The following TMEM131 variants were observed in gnomAD, a reference collection of about 807,000 sequenced individuals.
TMEM131 encodes the protein 2610524E03Rik.
A neutral mutation model predicts 211.6 loss-of-function variants in TMEM131; 66 were observed. The observed-to-expected ratio is 0.31, with a 90% CI of 0.26 to 0.38. The LOEUF (loss-of-function observed/expected upper bound fraction) is 0.38, where lower values mean the gene tolerates loss of function less well. Among genes scored for constraint, TMEM131 ranks in the 10% least tolerant of loss-of-function variants. TMEM131 has a pLI of 1.00. For synonymous variants in TMEM131, 844 were observed against 841.3 expected, an observed-to-expected ratio of 1.00 and a Z score of -0.06; for missense variants, 2,036 against 2,299.3, an observed-to-expected ratio of 0.89 and a Z score of 2.34.
intron 36 of TMEM131, 179 bp from the exon 37 acceptor site, chr2:97,761,093 T>TA (rs1315168784): frequency 1.4e-6 from 1 of 707,494 alleles, no homozygotes; most frequent in Non-Finnish European, 2.3e-6. Context: ...CAGACAGAGA[T>TA]AGAGGGCTTT....
chr2:97,818,647 A>G lies in TMEM131; in HGVS notation c.1149T>C (p.Ser383=), dbSNP rs1374842325. 6.2e-7 allele frequency: 1 copy of G among 1,607,400 alleles called. No individual in the cohort carries two copies. The highest frequency in any genetic ancestry group is 1.3e-5 in the African/African-American group (1 of 74,864). The change falls in exon 12 of 41, where the codon AGT becomes AGC. Residue 383 remains serine, a synonymous_variant. Transcript: ENST00000186436. ...FKPITLKASE[S]KYTKVASISF... ...TAATGCTTGCAACCTTGGTGTATTT[A>G]CTTTCTGATGCTTTTAATGTAATTG... is the stretch of plus-strand genomic sequence containing the variant.
chr2:97,900,948 T>C (rs944876690), intron 3 of TMEM131, among the ~76,000 whole-genome samples: 11 of 152,186 alleles, frequency 7.2e-5, no homozygotes, highest in African/African-American at 2.7e-4. Flanking sequence ...TTGTTTTGAT[T>C]AGCATTCCTG....
In TMEM131 at chr2:97,952,027, C is replaced by A. The variant is rs564999837; in HGVS notation, c.188-24540G>T. Among the ~76,000 whole-genome samples the A allele has an allele frequency of 2.6e-5, 4 of 152,104 alleles. No homozygotes were observed. In the South Asian group the frequency reaches 8.3e-4, roughly 32 times the overall value. The stretch of plus-strand genomic sequence containing the variant: ...CAAAAATTAGCCAGGTGTGGTGGCG[C>A]ACGCCTGTAATCCCAGCTACTTGGG... On this transcript the variant is annotated intron_variant, in intron 1 of 40. Transcript: ENST00000186436.
At chr2:97,855,766 G>A (rs1421582819) in intron 5 of TMEM131, among the ~76,000 whole-genome samples, 2 of 151,130 alleles carry the variant, frequency 1.3e-5, no homozygotes, top group African/African-American at 4.9e-5. Flanking sequence ...AGCATGTCAT[G>A]TATATTATTC....
At chr2:97,782,032 T>C (rs944151165) in intron 31 of TMEM131, among the ~76,000 whole-genome samples, 2 of 152,224 alleles carry the variant, frequency 1.3e-5, no homozygotes, top group African/African-American at 4.8e-5. Context: ...GCGATGGTGC[T>C]ATCAGGGAGG....
chr2:97,940,793 A>G, intron 1 of TMEM131, among the ~76,000 whole-genome samples: 2 of 150,008 alleles, frequency 1.3e-5, no homozygotes, highest in African/African-American at 2.5e-5. Context: ...TGGGCGACAG[A>G]GCCAGACTCC....
At chr2:97,895,382 TAA>T (rs1675565828) in intron 3 of TMEM131, among the ~76,000 whole-genome samples, 1 of 152,228 alleles carries the variant, frequency 6.6e-6, no homozygotes, top group Non-Finnish European at 1.5e-5. Context: ...GTTGGCCTCA[TAA>T]AATGAGTTAA....
chr2:97,791,514 C>T (rs1166561681), intron 31 of TMEM131, among the ~76,000 whole-genome samples: 1 of 152,190 alleles, frequency 6.6e-6, no homozygotes, highest in Non-Finnish European at 1.5e-5. Flanking sequence ...GGAGCTTGGG[C>T]CCTCCGTCCA....
At chr2:97,937,293 G>C (rs1677491508) in intron 1 of TMEM131, among the ~76,000 whole-genome samples, 1 of 152,062 alleles carries the variant, frequency 6.6e-6, no homozygotes, top group African/African-American at 2.4e-5. Flanking sequence ...ATTCATCAGA[G>C]GGGCTCAATA....
intron 4 of TMEM131, among the ~76,000 whole-genome samples, chr2:97,880,902 G>C (rs1334952324): frequency 6.6e-6 from 1 of 152,144 alleles, no homozygotes; most frequent in Non-Finnish European, 1.5e-5. Flanking sequence ...AGGAAAACAT[G>C]GACAATGGTT....
intron 1 of TMEM131, among the ~76,000 whole-genome samples, chr2:97,976,822 G>A (rs538884471): frequency 6.6e-6 from 1 of 152,086 alleles, no homozygotes; most frequent in Admixed American, 6.5e-5. Flanking sequence ...ACAAAAGAGA[G>A]ACAGACAACC....
At chr2:97,862,217 C>G (rs34190123) in intron 4 of TMEM131, among the ~76,000 whole-genome samples, 40,946 of 151,956 alleles carry the variant, frequency 0.27, 6,027 homozygotes, top group Middle Eastern at 0.36. Context: ...TCACTACACT[C>G]AAGTCCTTCT....
chr2:97,846,393 A>T (rs2105119991), intron 5 of TMEM131, among the ~76,000 whole-genome samples: 1 of 152,348 alleles, frequency 6.6e-6, no homozygotes, highest in African/African-American at 2.4e-5. Flanking sequence ...TTCAACATTC[A>T]AAAATCAAAT....
At chr2:97,885,429 T>C (rs1436720112) in intron 4 of TMEM131, among the ~76,000 whole-genome samples, 2 of 70,680 alleles carry the variant, frequency 2.8e-5, no homozygotes, top group African/African-American at 8.2e-5. Context: ...CTCCTGACCT[T>C]GTGATCCGCC....
intron 31 of TMEM131, among the ~76,000 whole-genome samples, chr2:97,782,524 A>T (rs554981668): frequency 1.3e-5 from 2 of 152,236 alleles, no homozygotes; most frequent in Non-Finnish European, 2.9e-5. Flanking sequence ...AACAGATGCC[A>T]ACACCAAGAT....
chr2:97,991,008 C>T (rs930240548), intron 1 of TMEM131, among the ~76,000 whole-genome samples: 2 of 152,100 alleles, frequency 1.3e-5, no homozygotes, highest in African/African-American at 4.8e-5. Context: ...TTGAAACACT[C>T]TTGAAAATTT....
At chr2:97,901,734 T>A (rs1675861395) in intron 3 of TMEM131, among the ~76,000 whole-genome samples, 1 of 152,152 alleles carries the variant, frequency 6.6e-6, no homozygotes, top group African/African-American at 2.4e-5. Context: ...AAAAAGTTTA[T>A]CTTGTGAAGG....
chr2:97,947,419 G>GC (rs1678095765), intron 1 of TMEM131, among the ~76,000 whole-genome samples: 1 of 151,946 alleles, frequency 6.6e-6, no homozygotes, highest in African/African-American at 2.4e-5. Context: ...GTAGGAAAAT[G>GC]CAAGGCCAAC....
At chr2:97,771,452 C>G (rs76717735) in intron 33 of TMEM131, among the ~76,000 whole-genome samples, 3,421 of 152,248 alleles carry the variant, frequency 0.022, 65 homozygotes, top group South Asian at 0.085. Flanking sequence ...AGACCTTCCA[C>G]AAATCTATGG....
Sources: allele counts gnomAD v4.1 joint callset (sites outside exome capture counted in the v4.1 genomes callset), GRCh38; gene constraint gnomAD v4.1.1; transcripts MANE v1.5; gene names NCBI Gene and HGNC (gene_info 2026-07-23, HGNC 2026-07-21).